RAB8B: variants seen among roughly 807,000 people sequenced by gnomAD.
RAB8B encodes the protein ras-related protein Rab-8B.
A neutral mutation model predicts 32.0 loss-of-function variants in RAB8B; 11 were observed. The ratio of observed to expected loss-of-function variants is 0.34; its 90% CI spans 0.22 to 0.57. The LOEUF (loss-of-function observed/expected upper bound fraction) is 0.57. Ranked by LOEUF, RAB8B falls within the 20% of genes least tolerant of loss-of-function variation. The pLI is 0.86. For missense variants in RAB8B, 190 were observed against 258.5 expected, an observed-to-expected ratio of 0.73 and a Z score of 1.82; for synonymous variants, 103 against 89.6, an observed-to-expected ratio of 1.15 and a Z score of -0.85.
intron 1 of RAB8B, among the ~76,000 whole-genome samples, chr15:63,237,886 A>G (rs2037995661): frequency 6.6e-6 from 1 of 152,112 alleles, no homozygotes; most frequent in Non-Finnish European, 1.5e-5. Flanking sequence ...TTAAGTCTTT[A>G]ATCCATTTTG....
intron 3 of RAB8B, among the ~76,000 whole-genome samples, chr15:63,250,372 G>A (rs749924500): frequency 6.6e-5 from 10 of 152,066 alleles, no homozygotes; most frequent in Non-Finnish European, 1.5e-5. Context: ...ATTCAGCCCT[G>A]CCACCATTAT....
intron 1 of RAB8B, among the ~76,000 whole-genome samples, chr15:63,200,097 G>T (rs2037635154): frequency 6.6e-6 from 1 of 152,176 alleles, no homozygotes; most frequent in Non-Finnish European, 1.5e-5. Flanking sequence ...GTGAGTGCAG[G>T]CCTCGATGGT....
At chr15:63,246,169 G>A (rs959894594) in intron 2 of RAB8B, among the ~76,000 whole-genome samples, 5 of 152,146 alleles carry the variant, frequency 3.3e-5, no homozygotes, top group African/African-American at 7.2e-5. Context: ...CACTGCACCC[G>A]GCCAATAAAA....
At chr15:63,250,766 T>C (rs544762439) in intron 3 of RAB8B, among the ~76,000 whole-genome samples, 148 of 150,748 alleles carry the variant, frequency 9.8e-4, no homozygotes, top group Non-Finnish European at 1.7e-3. Flanking sequence ...TCTTGAATTA[T>C]GATGAAATCT....
At chr15:63,254,692 C>G (rs2038145682) in intron 3 of RAB8B, among the ~76,000 whole-genome samples, 1 of 152,082 alleles carries the variant, frequency 6.6e-6, no homozygotes, top group Non-Finnish European at 1.5e-5. Flanking sequence ...TCGGGCGGAT[C>G]ACGAGGTCAG....
chr15:63,204,901 T>C (rs2037685404), intron 1 of RAB8B, among the ~76,000 whole-genome samples: 1 of 152,142 alleles, frequency 6.6e-6, no homozygotes, highest in African/African-American at 2.4e-5. Flanking sequence ...CACATGCCTA[T>C]AATCCAAGCA....
At chr15:63,227,429 C>T (rs550321810) in intron 1 of RAB8B, among the ~76,000 whole-genome samples, 1 of 146,858 alleles carries the variant, frequency 6.8e-6, no homozygotes, top group Non-Finnish European at 1.5e-5. Context: ...TTTTGTTTTT[C>T]GTGTTAGTAA....
chr15:63,202,138 C>T lies in RAB8B; in HGVS notation c.124+12390C>T, dbSNP rs1325285206. Among the ~76,000 whole-genome samples, 6 of 146,498 alleles carry T rather than the reference C, an allele frequency of 4.1e-5. No homozygotes were observed. In the South Asian group the frequency reaches 1.1e-3, roughly 26 times the overall value. On this transcript the variant is annotated intron_variant, in intron 1 of 7. Transcript: ENST00000321437. ...AAAAAAATACAAAAAATTAGCTGGG[C>T]GTGGTGGCAGGCACCTGTAGTCCCA...
intron 1 of RAB8B, among the ~76,000 whole-genome samples, chr15:63,209,848 C>A (rs746038475): frequency 6.6e-6 from 1 of 151,724 alleles, no homozygotes; most frequent in Non-Finnish European, 1.5e-5. Context: ...TTTGCTGTAC[C>A]CATCAACCCG....
chr15:63,215,713 AG>A (rs1299035206), intron 1 of RAB8B, among the ~76,000 whole-genome samples: 2 of 152,222 alleles, frequency 1.3e-5, no homozygotes, highest in Non-Finnish European at 2.9e-5. Context: ...TTCAGAAGAA[AG>A]AGCAACTATA....
At chr15:63,252,800 G>T (rs972435201) in intron 3 of RAB8B, among the ~76,000 whole-genome samples, 2 of 149,712 alleles carry the variant, frequency 1.3e-5, no homozygotes, top group African/African-American at 4.9e-5. Context: ...CCAGGCTGGA[G>T]TGCAATGGCA....
chr15:63,195,756 G>T (rs529987433), intron 1 of RAB8B, among the ~76,000 whole-genome samples: 1 of 152,306 alleles, frequency 6.6e-6, no homozygotes, highest in South Asian at 2.1e-4. Flanking sequence ...AGAATATTTT[G>T]CAGGAATAGA....
intron 1 of RAB8B, among the ~76,000 whole-genome samples, chr15:63,215,530 G>A (rs1395909810): frequency 6.6e-6 from 1 of 152,032 alleles, no homozygotes; most frequent in Non-Finnish European, 1.5e-5. Context: ...GATAGACTTC[G>A]CTACTTGTAA....
chr15:63,256,408 CT>C (rs2038159031), intron 4 of RAB8B, 96 bp from the exon 5 acceptor site: 2 of 841,040 alleles, frequency 2.4e-6, no homozygotes, highest in South Asian at 1.8e-5. Context: ...AAGATTATGT[CT>C]TATTAAATTC....
chr15:63,235,814 C>T (rs1450880113), intron 1 of RAB8B, among the ~76,000 whole-genome samples: 2 of 151,956 alleles, frequency 1.3e-5, no homozygotes, highest in Non-Finnish European at 2.9e-5. Context: ...TTAGATTCAT[C>T]TATGTTGATA....
intron 1 of RAB8B, among the ~76,000 whole-genome samples, chr15:63,230,111 C>T (rs964220466): frequency 1.3e-5 from 2 of 152,030 alleles, no homozygotes; most frequent in African/African-American, 4.8e-5. Context: ...TGTAACTTTA[C>T]TCATCAGCAA....
intron 1 of RAB8B, among the ~76,000 whole-genome samples, chr15:63,196,695 A>G (rs1350139228): frequency 6.6e-6 from 1 of 152,256 alleles, no homozygotes; most frequent in Non-Finnish European, 1.5e-5. Flanking sequence ...TCTCTTTCAC[A>G]GTATTATAGA....
At chr15:63,246,181 T>G (rs1290933300) in intron 2 of RAB8B, among the ~76,000 whole-genome samples, 1 of 152,184 alleles carries the variant, frequency 6.6e-6, no homozygotes, top group Admixed American at 6.5e-5. Context: ...CCAATAAAAT[T>G]TTTTAAATAA....
chr15:63,250,295 A>G (rs980134139), intron 3 of RAB8B, among the ~76,000 whole-genome samples: 8 of 152,144 alleles, frequency 5.3e-5, no homozygotes, highest in Non-Finnish European at 8.8e-5. Flanking sequence ...TTTTATTAAT[A>G]CCTTATGGCA....
Sources: gnomAD v4.1 joint callset for allele counts (sites outside exome capture counted in the v4.1 genomes callset) on GRCh38, gnomAD v4.1.1 for gene constraint, MANE v1.5 for transcripts, NCBI Gene and HGNC (gene_info 2026-07-23, HGNC 2026-07-21) for gene names.